The following LMO1 variants were observed in gnomAD, a reference collection of about 807,000 sequenced individuals.
LMO1 encodes LIM domain only 1.
In LMO1, 10 loss-of-function variants were observed where a neutral mutation model predicts 18.0. The ratio of observed to expected loss-of-function variants is 0.55; its 90% confidence interval spans 0.34 to 0.94. LMO1 has a LOEUF of 0.94. LMO1 is among the 40% of genes least tolerant of loss of function. The pLI is 0.02. For synonymous variants in LMO1, 77 were observed against 77.9 expected, an observed-to-expected ratio of 0.99 and a Z score of 0.06; for missense variants, 183 against 205.7, an observed-to-expected ratio of 0.89 and a Z score of 0.68.
chr11:8,233,112 C>T (rs1952699478), intron 1 of LMO1, among the ~76,000 whole-genome samples: 1 of 152,222 alleles, frequency 6.6e-6, no homozygotes, highest in South Asian at 2.1e-4. Context: ...GGACACCCCT[C>T]CCTCTTCTGG....
intron 1 of LMO1, among the ~76,000 whole-genome samples, chr11:8,232,456 G>C (rs1952682114): frequency 6.6e-6 from 1 of 152,200 alleles, no homozygotes; most frequent in African/African-American, 2.4e-5. Flanking sequence ...GGAAATGGGA[G>C]AGGAGTTAAA....
chr11:8,244,199 A>G (rs1846850105), intron 1 of LMO1, among the ~76,000 whole-genome samples: 2 of 152,182 alleles, frequency 1.3e-5, no homozygotes, highest in African/African-American at 4.8e-5. Context: ...ACCAGATCAC[A>G]TATAGGAGAG....
chr11:8,239,833 C>A (rs1033090639), intron 1 of LMO1, among the ~76,000 whole-genome samples: 4 of 152,180 alleles, frequency 2.6e-5, no homozygotes, highest in African/African-American at 9.7e-5. Flanking sequence ...AAGCACTGTC[C>A]AGTCTCACCC....
In LMO1 at chr11:8,263,823, CAA is replaced by C. The variant is rs1354140009; in HGVS notation, c.-463_-462del. 1.6e-5 allele frequency: 17 copies of C among 1,059,024 alleles called. No homozygotes were observed. The highest frequency in any genetic ancestry group is 8.4e-4 in the Middle Eastern group (2 of 2,370). The allele number at this position is 1,059,024 out of a possible 1,614,324, so 65.6% of individuals were successfully genotyped here. ...CTGAATCTCAATCTAAAATTATATT[CAA>C]AGAGATGGGGGAATCTCGTGGCCGT... is the stretch of plus-strand genomic sequence containing the variant. On this transcript the variant is annotated 5_prime_UTR_variant, in exon 1 of 4. Transcript: ENST00000335790.
chr11:8,227,148 G>C (rs377424024), intron 2 of LMO1, 48 bp from the exon 3 acceptor site: 2 of 1,582,762 alleles, frequency 1.3e-6, no homozygotes, highest in Non-Finnish European at 1.7e-6. Flanking sequence ...TGGGAAGCTG[G>C]GTGGGCAGGG....
Position 8,225,945 on chromosome 11 carries a change from G to A in LMO1, c.365+1030C>T, listed in dbSNP as rs536843752. ...GCTAGGCCCCAGCCAGGGCTGAAGG[G>A]CTCTGGCTCCTTAGGTCCCCAGGGA... On this transcript the variant is annotated intron_variant, in intron 3 of 3. Transcript: ENST00000335790. 5.9e-5 allele frequency among the ~76,000 whole-genome samples: 9 copies of A among 152,330 alleles called. No individual in the cohort carries two copies. In the East Asian group the frequency reaches 1.7e-3, roughly 29 times the overall value.
chr11:8,260,302 G>A (rs944238959), intron 1 of LMO1, among the ~76,000 whole-genome samples: 15 of 152,268 alleles, frequency 9.9e-5, no homozygotes, highest in African/African-American at 3.1e-4. Flanking sequence ...AGCCCAAGCC[G>A]CAGGTGCCAG....
chr11:8,241,257 G>A (rs1319672800), intron 1 of LMO1, among the ~76,000 whole-genome samples: 1 of 151,892 alleles, frequency 6.6e-6, no homozygotes, highest in Non-Finnish European at 1.5e-5. Context: ...CCCTTTCCCT[G>A]CCAACTCTTG....
At chr11:8,260,639 G>A (rs578181759) in intron 1 of LMO1, among the ~76,000 whole-genome samples, 128 of 152,044 alleles carry the variant, frequency 8.4e-4, no homozygotes, top group Non-Finnish European at 1.3e-3. Context: ...CCGTTGCTAC[G>A]GCAAAACGAT....
chr11:8,266,220 A>C (rs1847259604), upstream of LMO1, among the ~76,000 whole-genome samples: 1 of 152,188 alleles, frequency 6.6e-6, no homozygotes, highest in African/African-American at 2.4e-5. Flanking sequence ...CTTCACAGCA[A>C]GTCTTGGAGG....
intron 3 of LMO1, among the ~76,000 whole-genome samples, chr11:8,225,147 C>T (rs1952511998): frequency 6.6e-6 from 1 of 151,748 alleles, no homozygotes; most frequent in Non-Finnish European, 1.5e-5. Flanking sequence ...GGTGTGGTGG[C>T]TCACACCTGT....
At position 8,235,184 on chromosome 11, in the gene LMO1, T is replaced by C. The variant is rs543074991; in HGVS notation, c.26-4680A>G. On this transcript the variant is annotated intron_variant, in intron 1 of 3. Coordinates refer to ENST00000335790, the MANE Select transcript of LMO1 (RefSeq NM_002315.3). Reference sequence around the variant, plus strand: ...CCTGCTCGGGCACTTGCTTTCTTTTTCTTTTAACTTTTTGTCTCTTGACAT... The same window carrying C: ...CCTGCTCGGGCACTTGCTTTCTTTTCCTTTTAACTTTTTGTCTCTTGACAT... Among the ~76,000 whole-genome samples, 4 of 152,370 alleles carry C rather than the reference T, an allele frequency of 2.6e-5. No homozygotes were observed. In the East Asian group the frequency reaches 7.7e-4, roughly 29 times the overall value.
At chr11:8,248,157 C>T (rs1846927356) in intron 1 of LMO1, among the ~76,000 whole-genome samples, 1 of 152,218 alleles carries the variant, frequency 6.6e-6, no homozygotes, top group Non-Finnish European at 1.5e-5. Flanking sequence ...TGTTACCTCC[C>T]AAGTCAAAAG....
At chr11:8,248,539 C>T (rs1157452764) in intron 1 of LMO1, among the ~76,000 whole-genome samples, 1 of 152,252 alleles carries the variant, frequency 6.6e-6, no homozygotes, top group Non-Finnish European at 1.5e-5. Context: ...AGTTCCCAGA[C>T]TCCACAGAGG....
At chr11:8,234,789 A>C (rs1952733068) in intron 1 of LMO1, among the ~76,000 whole-genome samples, 1 of 152,148 alleles carries the variant, frequency 6.6e-6, no homozygotes. Flanking sequence ...CCGCAAATGG[A>C]TCTTGTTAGC....
rs548291464 is a variant in LMO1, at chr11:8,247,992, TTGAGTTCTGTGCAGGGGGCAGGGAG to T, written c.25+15321_25+15345del. Among the ~76,000 whole-genome samples the T allele has an allele frequency of 2.4e-3, 358 of 152,278 alleles. 1 individual carries two copies. Among genetic ancestry groups the T allele is most frequent in the African/African-American group, 8.3e-3 (343 of 41,538 alleles). On this transcript the variant is annotated intron_variant, in intron 1 of 3. Coordinates refer to ENST00000335790, the MANE Select transcript of LMO1 (RefSeq NM_002315.3). ...AACACATGAAAACATTTTCTGTCAT[TTGAGTTCTGTGCAGGGGGCAGGGAG>T]GATGTTCTGGGTCTTAACTTACGTG... is the stretch of plus-strand genomic sequence containing the variant.
chr11:8,224,968 G>A (rs1952507019), intron 3 of LMO1, among the ~76,000 whole-genome samples: 1 of 152,168 alleles, frequency 6.6e-6, no homozygotes, highest in South Asian at 2.1e-4. Flanking sequence ...AGACAGTTGG[G>A]CCACAGGCTT....
chr11:8,225,455 G>C (rs140376578), intron 3 of LMO1, among the ~76,000 whole-genome samples: 5 of 148,640 alleles, frequency 3.4e-5, no homozygotes, highest in Middle Eastern at 3.6e-3. Flanking sequence ...TAAGGAAGGA[G>C]GGATAAAATG....
Position 8,255,814 on chromosome 11 carries a change from C to A in LMO1, c.25+7524G>T, listed in dbSNP as rs900445596. 2.2e-5 allele frequency among the ~76,000 whole-genome samples: 3 copies of A among 136,900 alleles called. No homozygotes were observed. In the South Asian group the frequency reaches 6.9e-4, roughly 32 times the overall value. 89.8% of individuals were successfully genotyped at this position (136,900 alleles called of 152,430 possible). On this transcript the variant is annotated intron_variant, in intron 1 of 3. Transcript: ENST00000335790. ...TTGATACATACAGATAGCACAATGC[C>A]GCACTTTTTTTTTTTTTTTTTTTTT...
Sources: allele counts gnomAD v4.1 joint callset (sites outside exome capture counted in the v4.1 genomes callset), GRCh38; gene constraint gnomAD v4.1.1; transcripts MANE v1.5; gene names NCBI Gene and HGNC (gene_info 2026-07-23, HGNC 2026-07-21).